Variants in GAREM1 observed in about 807,000 individuals in gnomAD.
GAREM1 encodes GRB2 associated regulator of MAPK1 subtype 1, also known as GRB2-associated and regulator of MAPK protein 1.
Under a neutral mutation model 71.3 loss-of-function variants are expected in GAREM1, and 26 were observed. The observed-to-expected ratio is 0.36, with a 90% CI of 0.27 to 0.51. The LOEUF is 0.51. Among genes scored for constraint, GAREM1 ranks in the 20% least tolerant of loss-of-function variants. The pLI is 0.95. For missense variants in GAREM1, 1,026 were observed against 1,103.1 expected (o/e 0.93, Z 0.99); for synonymous variants, 440 against 433.2 (o/e 1.02, Z -0.20).
At chr18:32,350,913 T>C (rs1281413808) in intron 2 of GAREM1, among the ~76,000 whole-genome samples, 4 of 152,214 alleles carry the variant, frequency 2.6e-5, no homozygotes, top group Non-Finnish European at 5.9e-5. Flanking sequence ...ATTCCTACTT[T>C]TGATAAATAC....
intron 1 of GAREM1, among the ~76,000 whole-genome samples, chr18:32,423,676 A>G (rs937288708): frequency 2.0e-5 from 3 of 152,250 alleles, no homozygotes; most frequent in African/African-American, 7.2e-5. Flanking sequence ...TACAGGTCTC[A>G]TACAAGCTTA....
chr18:32,393,833 A>T (rs139310303), intron 1 of GAREM1, among the ~76,000 whole-genome samples: 1,753 of 152,334 alleles, frequency 0.012, 18 homozygotes, highest in Middle Eastern at 0.031. Flanking sequence ...TAGATGCTGA[A>T]ATAATCCGTT....
intron 2 of GAREM1, among the ~76,000 whole-genome samples, chr18:32,384,207 TG>T (rs2048123782): frequency 1.3e-5 from 2 of 152,168 alleles, no homozygotes; most frequent in African/African-American, 4.8e-5. Context: ...TAAGAAGCCA[TG>T]AGCTGGAAGC....
At chr18:32,460,115 TAAAA>T (rs35244955) in intron 1 of GAREM1, among the ~76,000 whole-genome samples, 14 of 133,420 alleles carry the variant, frequency 1.0e-4, no homozygotes, top group African/African-American at 2.5e-4. Context: ...TCATCTTATT[TAAAA>T]AAAAAAAAAA....
chr18:32,302,759 G>C (rs1340659698), intron 3 of GAREM1, among the ~76,000 whole-genome samples: 1 of 152,258 alleles, frequency 6.6e-6, no homozygotes, highest in East Asian at 1.9e-4. Context: ...AGGTAGAATG[G>C]GGGGAAACTG....
In GAREM1 at chr18:32,306,647, C is replaced by G. The variant is rs200638899; in HGVS notation, c.393+3546G>C. Among the ~76,000 whole-genome samples the G allele has an allele frequency of 7.2e-5, 11 of 152,306 alleles. No homozygotes were observed. The East Asian group carries it at 1.9e-3, about 27-fold the overall frequency. On this transcript the variant is annotated intron_variant, in intron 3 of 5. Coordinates refer to ENST00000269209, the MANE Select transcript of GAREM1 (RefSeq NM_001242409.2). ...TCTTCCAGAAGATGATGAGCCCCAA[C>G]TAGATACTCTGAGCCTAGACTATTC...
At chr18:32,415,314 GA>G (rs770025231) in intron 1 of GAREM1, among the ~76,000 whole-genome samples, 3 of 151,450 alleles carry the variant, frequency 2.0e-5, no homozygotes, top group Non-Finnish European at 3.0e-5. Context: ...AAACTGTTCT[GA>G]AAAAAAATAG....
intron 1 of GAREM1, among the ~76,000 whole-genome samples, chr18:32,437,744 A>G (rs1222679266): frequency 1.3e-5 from 2 of 152,120 alleles, no homozygotes; most frequent in South Asian, 4.1e-4. Context: ...AAAAAATGAC[A>G]CTTCAGTGGC....
chr18:32,333,089 A>C (rs1211013103), intron 2 of GAREM1, among the ~76,000 whole-genome samples: 2 of 151,740 alleles, frequency 1.3e-5, no homozygotes, highest in Non-Finnish European at 2.9e-5. Flanking sequence ...GGAGTTGATT[A>C]AATAGTGAGA....
intron 2 of GAREM1, among the ~76,000 whole-genome samples, chr18:32,343,310 T>C (rs1027032651): frequency 1.4e-5 from 2 of 141,854 alleles, no homozygotes; most frequent in Non-Finnish European, 1.5e-5. Context: ...TCTCCCCCAC[T>C]GTTTTTTTTT....
chr18:32,461,964 C>G (rs1352532757), intron 1 of GAREM1, among the ~76,000 whole-genome samples: 1 of 152,154 alleles, frequency 6.6e-6, no homozygotes, highest in Non-Finnish European at 1.5e-5. Context: ...TTCAGTAAGG[C>G]AGCCAATGAG....
intron 3 of GAREM1, among the ~76,000 whole-genome samples, chr18:32,304,105 G>A (rs1234971353): frequency 6.6e-6 from 1 of 151,356 alleles, no homozygotes; most frequent in Non-Finnish European, 1.5e-5. Flanking sequence ...TCAGGAGTTC[G>A]AGACCAGCCT....
intron 1 of GAREM1, among the ~76,000 whole-genome samples, chr18:32,401,319 G>C (rs561892166): frequency 6.6e-6 from 1 of 151,264 alleles, no homozygotes; most frequent in South Asian, 2.1e-4. Context: ...AGAACTTAAA[G>C]TATAAAAATA....
intron 3 of GAREM1, among the ~76,000 whole-genome samples, chr18:32,309,131 C>T (rs2047287904): frequency 6.7e-6 from 1 of 150,048 alleles, no homozygotes; most frequent in African/African-American, 2.5e-5. Context: ...AGAGAAAACC[C>T]CTTCAATGTG....
At chr18:32,359,938 A>C (rs1034671101) in intron 2 of GAREM1, among the ~76,000 whole-genome samples, 1 of 151,606 alleles carries the variant, frequency 6.6e-6, no homozygotes, top group Non-Finnish European at 1.5e-5. Context: ...AAATATAAAT[A>C]AATAAATAAA....
At chr18:32,341,480 CTGGGT>C (rs1567971257) in intron 2 of GAREM1, among the ~76,000 whole-genome samples, 10 of 152,158 alleles carry the variant, frequency 6.6e-5, no homozygotes, top group African/African-American at 2.4e-4. Context: ...TTATAATCCT[CTGGGT>C]ATATACCCAG....
In GAREM1 at chr18:32,348,335, T is replaced by G. The variant is rs553516671; in HGVS notation, c.263-38012A>C. On this transcript the variant is annotated intron_variant, in intron 2 of 5. Coordinates refer to ENST00000269209, the MANE Select transcript of GAREM1 (RefSeq NM_001242409.2). ...TTTGAGTGAATCAAAACTTGGTGAT[T>G]AAAAGAAAACTGTAGCTCACATTAT... Among the ~76,000 whole-genome samples the G allele has an allele frequency of 2.0e-5, 3 of 152,258 alleles. No individual in the cohort carries two copies. In the East Asian group the frequency reaches 5.8e-4, roughly 29 times the overall value.
intron 2 of GAREM1, among the ~76,000 whole-genome samples, chr18:32,349,897 C>G (rs545519274): frequency 1.3e-5 from 2 of 152,150 alleles, no homozygotes; most frequent in African/African-American, 4.8e-5. Flanking sequence ...GACATTTGCT[C>G]GAGTCCAGGG....
intron 4 of GAREM1, 29 bp from the exon 5 acceptor site, chr18:32,270,412 G>C: frequency 6.3e-7 from 1 of 1,580,066 alleles, no homozygotes; most frequent in Non-Finnish European, 8.6e-7. Flanking sequence ...CTCCAGGTTA[G>C]CAACAGACTG....
Sources: gnomAD v4.1 joint callset for allele counts (sites outside exome capture counted in the v4.1 genomes callset) on GRCh38, gnomAD v4.1.1 for gene constraint, MANE v1.5 for transcripts, NCBI Gene and HGNC (gene_info 2026-07-23, HGNC 2026-07-21) for gene names.